EVL: variants seen among roughly 807,000 people sequenced by gnomAD.
The protein encoded by EVL is Enah/Vasp-like, also known as ena/VASP-like protein.
Under a neutral mutation model 59.6 loss-of-function variants are expected in EVL, and 21 were observed. The observed-to-expected ratio is 0.35, with a 90% CI of 0.25 to 0.51. The LOEUF (loss-of-function observed/expected upper bound fraction) is 0.51, where lower values mean the gene tolerates loss of function less well. Ranked by LOEUF, EVL falls within the 20% of genes least tolerant of loss-of-function variation. EVL has a pLI of 0.97. For missense variants in EVL, 462 were observed against 546.6 expected (o/e 0.85, Z 1.54); for synonymous variants, 198 against 203.5 (o/e 0.97, Z 0.23).
At chr14:100,123,424 TTAA>T (rs1887825194) in intron 3 of EVL, 112 bp from the exon 4 acceptor site, 1 of 990,040 alleles carries the variant, frequency 1.0e-6, no homozygotes, top group African/African-American at 1.6e-5. Context: ...AAAAAGATTC[TTAA>T]GGATGTCTCT....
chr14:100,070,861 A>G (rs935663067), intron 1 of EVL, among the ~76,000 whole-genome samples: 1 of 152,262 alleles, frequency 6.6e-6, no homozygotes, highest in African/African-American at 2.4e-5. Context: ...AAATTTTGAG[A>G]TGAAGACACA....
intron 5 of EVL, 25 bp from the exon 6 acceptor site, chr14:100,128,494 G>C (rs1214311266): frequency 6.2e-7 from 1 of 1,611,478 alleles, no homozygotes; most frequent in Admixed American, 1.7e-5. Context: ...GCTGGAGCTG[G>C]CTGAGCCTCA....
chr14:100,063,962 T>G (rs544095045), upstream of EVL, among the ~76,000 whole-genome samples: 13 of 152,268 alleles, frequency 8.5e-5, no homozygotes, highest in East Asian at 2.1e-3. Flanking sequence ...ATTTCAAAAT[T>G]TAACGAAGCA....
chr14:100,011,717 A>G (rs555157252), intron 1 of EVL, among the ~76,000 whole-genome samples: 16 of 152,304 alleles, frequency 1.1e-4, no homozygotes, highest in African/African-American at 3.4e-4. Flanking sequence ...GTGTTTATCT[A>G]TATTCTCTTG....
chr14:100,047,000 G>A (rs1281150398), intron 1 of EVL, among the ~76,000 whole-genome samples: 4 of 150,970 alleles, frequency 2.6e-5, no homozygotes, highest in East Asian at 2.0e-4. Context: ...TGATCCACCC[G>A]CCTCGGCCTC....
chr14:100,109,462 G>A lies in EVL; in HGVS notation c.358+11804G>A, dbSNP rs1317020330. On this transcript the variant is annotated intron_variant, in intron 3 of 13. Transcript: ENST00000392920. This position sits in a 1 kb window ranked among gnomAD's most constrained non-coding sequence, Gnocchi z 4.3. ...TAGACTGTGAGCTCCTCGAGGGCAG[G>A]TGTCTGTTTCTGTGTCTCGGGAGCC... is the stretch of plus-strand genomic sequence containing the variant. 4.9e-6 allele frequency: 2 copies of A among 404,726 alleles called. No homozygotes were observed. Among genetic ancestry groups the A allele is most frequent in the Admixed American group, 5.7e-5 (2 of 34,964 alleles). The allele number at this position is 404,726 out of a possible 1,614,324, so 25.1% of individuals were successfully genotyped here. A position where few individuals can be genotyped will look rare whatever the true frequency, so the allele number is the denominator to read the frequency against.
chr14:100,123,743 A>C, intron 4 of EVL, 141 bp downstream of exon 4: 1 of 766,220 alleles, frequency 1.3e-6, no homozygotes, highest in Non-Finnish European at 2.1e-6. Flanking sequence ...TGCAAGGTGC[A>C]AGCCAGACCA....
At chr14:100,023,184 T>A (rs1309341201) in intron 1 of EVL, among the ~76,000 whole-genome samples, 1 of 150,236 alleles carries the variant, frequency 6.7e-6, no homozygotes, top group Non-Finnish European at 1.5e-5. Flanking sequence ...ACAGGTCACT[T>A]GTCCTTTTGC....
chr14:100,000,923 G>A (rs2060942528), intron 1 of EVL, among the ~76,000 whole-genome samples: 1 of 152,078 alleles, frequency 6.6e-6, no homozygotes, highest in Admixed American at 6.5e-5. Context: ...ATCTCTCATG[G>A]CTAGGATGGT....
intron 1 of EVL, among the ~76,000 whole-genome samples, chr14:100,005,979 C>G (rs1415385483): frequency 6.1e-5 from 9 of 146,524 alleles, no homozygotes; most frequent in Admixed American, 5.6e-4. Flanking sequence ...AAAAATCTTT[C>G]CTTTTTTTTT....
At chr14:100,116,238 G>T (rs1443213881) in intron 3 of EVL, among the ~76,000 whole-genome samples, 1 of 152,246 alleles carries the variant, frequency 6.6e-6, no homozygotes, top group Non-Finnish European at 1.5e-5. Context: ...TCTGGAAAGA[G>T]GGAAAGGAGC....
chr14:100,006,018 C>CG (rs1321929882), intron 1 of EVL, among the ~76,000 whole-genome samples: 2 of 147,646 alleles, frequency 1.4e-5, no homozygotes, highest in African/African-American at 2.5e-5. Context: ...TTCCCCCCCC[C>CG]CCCCCACACC....
upstream of EVL, among the ~76,000 whole-genome samples, chr14:100,061,623 C>T (rs2061836749): frequency 6.6e-6 from 1 of 151,860 alleles, no homozygotes; most frequent in Admixed American, 6.6e-5. Flanking sequence ...GGGTACTGGC[C>T]CCTCGAACAG....
At chr14:100,031,870 T>C (rs2061319875) in intron 1 of EVL, among the ~76,000 whole-genome samples, 1 of 152,218 alleles carries the variant, frequency 6.6e-6, no homozygotes, top group Admixed American at 6.5e-5. Context: ...CTCTTTCCTT[T>C]TTGAAAATCA....
intron 1 of EVL, among the ~76,000 whole-genome samples, chr14:99,986,609 T>C (rs1427949297): frequency 6.6e-6 from 1 of 152,172 alleles, no homozygotes; most frequent in Non-Finnish European, 1.5e-5. Context: ...GCACATATGG[T>C]AATAATTGCA....
chr14:99,989,935 C>A (rs2060864767), intron 1 of EVL, among the ~76,000 whole-genome samples: 1 of 152,150 alleles, frequency 6.6e-6, no homozygotes, highest in South Asian at 2.1e-4. Context: ...GTTATTTCTT[C>A]CTTCTTCTTA....
chr14:100,116,395 G>A (rs1334313122), intron 3 of EVL, among the ~76,000 whole-genome samples: 1 of 152,192 alleles, frequency 6.6e-6, no homozygotes, highest in Non-Finnish European at 1.5e-5. Context: ...TGGCACCCCT[G>A]ACATCTCCGG....
chr14:100,013,367 A>G (rs1399685123), intron 1 of EVL, among the ~76,000 whole-genome samples: 1 of 152,278 alleles, frequency 6.6e-6, no homozygotes, highest in Admixed American at 6.5e-5. Context: ...TGATAATATT[A>G]GCTACCATTG....
At chr14:100,013,833 G>T (rs1450568556) in intron 1 of EVL, among the ~76,000 whole-genome samples, 1 of 152,160 alleles carries the variant, frequency 6.6e-6, no homozygotes, top group Non-Finnish European at 1.5e-5. Flanking sequence ...TGCCAAGTTT[G>T]GGGGCTGAGA....
Sources: gnomAD v4.1 joint callset for allele counts (sites outside exome capture counted in the v4.1 genomes callset) on GRCh38, gnomAD v4.1.1 for gene constraint, Gnocchi (gnomAD v3.1) non-coding constraint, MANE v1.5 for transcripts, NCBI Gene and HGNC (gene_info 2026-07-23, HGNC 2026-07-21) for gene names.